The following LRRIQ3 variants were observed in gnomAD, a reference collection of about 807,000 sequenced individuals.
The protein encoded by LRRIQ3 is leucine-rich repeat and IQ domain-containing protein 3.
In LRRIQ3, 75 loss-of-function variants were observed where a neutral mutation model predicts 59.3. The observed-to-expected ratio is 1.26, with a 90% CI of 1.05 to 1.53. The LOEUF (loss-of-function observed/expected upper bound fraction) is 1.53, where lower values mean the gene tolerates loss of function less well. LRRIQ3 is among the 40% of genes most tolerant of loss of function. The pLI, the probability that LRRIQ3 is intolerant of heterozygous loss-of-function variation, is 0.00. For missense variants in LRRIQ3, 831 were observed against 710.0 expected (o/e 1.17, Z -1.94); for synonymous variants, 250 against 231.3 (o/e 1.08, Z -0.73).
chr1:74,149,297 T>C (rs1362795418), intron 4 of LRRIQ3, among the ~76,000 whole-genome samples: 1 of 152,182 alleles, frequency 6.6e-6, no homozygotes, highest in African/African-American at 2.4e-5. Context: ...AGTAAATTCA[T>C]CCAGGCTCAA....
At chr1:74,051,787 G>C (rs2100417669) in intron 6 of LRRIQ3, among the ~76,000 whole-genome samples, 1 of 152,184 alleles carries the variant, frequency 6.6e-6, no homozygotes, top group South Asian at 2.1e-4. Flanking sequence ...TTATTCTAAG[G>C]TAGTAAATTA....
chr1:74,186,245 A>G (rs528490402), intron 1 of LRRIQ3, among the ~76,000 whole-genome samples: 5 of 152,010 alleles, frequency 3.3e-5, no homozygotes, highest in African/African-American at 7.2e-5. Context: ...ATAGTTAGTA[A>G]TGTCTATAGA....
At chr1:74,197,898 C>A (rs1054930309) in intron 1 of LRRIQ3, 98 bp downstream of exon 1, 1 of 262,960 alleles carries the variant, frequency 3.8e-6, no homozygotes, top group Non-Finnish European at 7.3e-6. Context: ...TTAGGACGAA[C>A]CGCCTTTGAT....
At chr1:74,028,179 C>A (rs555566363) in intron 7 of LRRIQ3, among the ~76,000 whole-genome samples, 156 of 152,094 alleles carry the variant, frequency 1.0e-3, no homozygotes, top group Admixed American at 1.8e-3. Context: ...AACAAGGCAG[C>A]AGGCAAGGCT....
chr1:74,143,708 A>G (rs1468641892), intron 4 of LRRIQ3, among the ~76,000 whole-genome samples: 3 of 151,538 alleles, frequency 2.0e-5, no homozygotes, highest in South Asian at 4.1e-4. Context: ...ACTATAACAA[A>G]TTATAATAAT....
chr1:74,081,120 T>C (rs538086072), intron 5 of LRRIQ3, among the ~76,000 whole-genome samples: 2 of 151,734 alleles, frequency 1.3e-5, no homozygotes, highest in African/African-American at 4.8e-5. Context: ...AATCTTACTT[T>C]ATCTTAAGAG....
At chr1:74,149,992 T>A (rs559199761) in intron 4 of LRRIQ3, among the ~76,000 whole-genome samples, 3 of 152,102 alleles carry the variant, frequency 2.0e-5, no homozygotes, top group Non-Finnish European at 2.9e-5. Context: ...CAAGGAAATG[T>A]AGGAAAGGGG....
intron 5 of LRRIQ3, among the ~76,000 whole-genome samples, chr1:74,099,627 C>A (rs1337434263): frequency 1.3e-5 from 2 of 152,150 alleles, no homozygotes; most frequent in Non-Finnish European, 2.9e-5. Flanking sequence ...AGACCAATAT[C>A]CCTGATGAAC....
intron 4 of LRRIQ3, among the ~76,000 whole-genome samples, chr1:74,110,056 T>C (rs945108913): frequency 1.3e-5 from 2 of 150,584 alleles, no homozygotes; most frequent in African/African-American, 4.9e-5. Flanking sequence ...TTAGCCACAC[T>C]AAAAAAAAAG....
intron 4 of LRRIQ3, among the ~76,000 whole-genome samples, chr1:74,131,446 C>A (rs1647018628): frequency 6.6e-6 from 1 of 152,154 alleles, no homozygotes; most frequent in Non-Finnish European, 1.5e-5. Context: ...AGACCAATAT[C>A]CCTGATGAAC....
intron 6 of LRRIQ3, among the ~76,000 whole-genome samples, chr1:74,065,664 A>T (rs901181131): frequency 6.6e-6 from 1 of 152,114 alleles, no homozygotes; most frequent in Non-Finnish European, 1.5e-5. Flanking sequence ...TATATTTGCT[A>T]AAAATTTTAT....
intron 4 of LRRIQ3, among the ~76,000 whole-genome samples, chr1:74,141,915 T>C (rs1356503795): frequency 2.0e-5 from 3 of 151,842 alleles, no homozygotes; most frequent in Non-Finnish European, 4.4e-5. Context: ...TACCACTTCT[T>C]CCCCTAAAGA....
At chr1:74,062,895 C>T (rs1654763566) in intron 6 of LRRIQ3, among the ~76,000 whole-genome samples, 1 of 152,002 alleles carries the variant, frequency 6.6e-6, no homozygotes, top group South Asian at 2.1e-4. Context: ...TGCCTATTAC[C>T]TGGGTGAGGA....
chr1:74,055,385 C>A (rs1261170461), intron 6 of LRRIQ3, among the ~76,000 whole-genome samples: 6 of 151,948 alleles, frequency 3.9e-5, no homozygotes. Flanking sequence ...CTGACAACTA[C>A]AAACCTATTT....
intron 5 of LRRIQ3, among the ~76,000 whole-genome samples, chr1:74,079,754 G>A (rs1419732656): frequency 6.6e-6 from 1 of 151,822 alleles, no homozygotes; most frequent in Non-Finnish European, 1.5e-5. Flanking sequence ...GAAGGAATGA[G>A]TGGAGATTTA....
chr1:74,052,301 A>T (rs947290724), intron 6 of LRRIQ3, among the ~76,000 whole-genome samples: 5 of 152,090 alleles, frequency 3.3e-5, no homozygotes, highest in African/African-American at 1.2e-4. Context: ...GTTAGGGTGA[A>T]AAACCAGGAG....
At chr1:74,073,273 G>A (rs941072164) in intron 6 of LRRIQ3, among the ~76,000 whole-genome samples, 2 of 152,066 alleles carry the variant, frequency 1.3e-5, no homozygotes, top group South Asian at 2.1e-4. Context: ...AGCACTTTGG[G>A]AGGCCGAGGC....
At chr1:74,171,655 T>C (rs1001226759) in intron 3 of LRRIQ3, among the ~76,000 whole-genome samples, 2 of 152,188 alleles carry the variant, frequency 1.3e-5, no homozygotes, top group African/African-American at 4.8e-5. Context: ...GCTGGACTTA[T>C]AACATGAGTT....
chr1:74,186,151 T>C lies in LRRIQ3; in HGVS notation c.1-2467A>G, dbSNP rs1208821061. Among the ~76,000 whole-genome samples the C allele has an allele frequency of 2.6e-5, 4 of 151,368 alleles. No individual in the cohort carries two copies. The East Asian group carries it at 7.7e-4, about 29-fold the overall frequency. On this transcript the variant is annotated intron_variant, in intron 1 of 7. Coordinates refer to ENST00000354431, the MANE Select transcript of LRRIQ3 (RefSeq NM_001105659.2). Reference sequence around the variant, plus strand: ...CATTGATTATTCCATCTCTTAACAGTCTATTTTGAAATTTCTTTATGAAGA... The same window carrying C: ...CATTGATTATTCCATCTCTTAACAGCCTATTTTGAAATTTCTTTATGAAGA...
Sources: allele counts gnomAD v4.1 joint callset (sites outside exome capture counted in the v4.1 genomes callset), GRCh38; gene constraint gnomAD v4.1.1; transcripts MANE v1.5; gene names NCBI Gene and HGNC (gene_info 2026-07-23, HGNC 2026-07-21).